SP140: variants seen among roughly 807,000 people sequenced by gnomAD.
The protein encoded by SP140 is nuclear body protein SP140.
SP140 carries 81 observed loss-of-function variants against 125.0 expected under a neutral mutation model. The observed-to-expected ratio is 0.65, with a 90% CI of 0.54 to 0.78. The LOEUF (loss-of-function observed/expected upper bound fraction) is 0.78, where lower values mean the gene tolerates loss of function less well. SP140 is among the 30% of genes least tolerant of loss of function. The probability of loss-of-function intolerance (pLI) is 0.00; values close to 1 mark genes in which losing one functional copy is unlikely to be tolerated. For synonymous variants in SP140, 312 were observed against 354.0 expected (o/e 0.88, Z 1.33); for missense variants, 858 against 1,037.0 (o/e 0.83, Z 2.37).
the SP140 span, among the ~76,000 whole-genome samples, chr2:230,186,843 T>C: frequency 1.3e-3 from 193 of 152,338 alleles, no homozygotes; most frequent in Non-Finnish European, 2.5e-3. Flanking sequence ...TCATTCTTTT[T>C]TTATGGCTGA....
intron 1 of SP140, among the ~76,000 whole-genome samples, chr2:230,235,868 GTTTTTT>G (rs984054259): frequency 1.3e-5 from 1 of 77,974 alleles, no homozygotes; most frequent in African/African-American, 5.4e-5. Flanking sequence ...TCTTGTGACT[GTTTTTT>G]TTTTTTTTTT....
At chr2:230,260,802 T>A (rs2052104298) in intron 12 of SP140, among the ~76,000 whole-genome samples, 1 of 152,206 alleles carries the variant, frequency 6.6e-6, no homozygotes. Context: ...TTGGTCTACG[T>A]CTATTTTTGT....
chr2:230,220,649 C>T (rs1037248250), intron 3 of SP140, among the ~76,000 whole-genome samples: 7 of 152,026 alleles, frequency 4.6e-5, no homozygotes, highest in South Asian at 2.1e-4. Context: ...GCAGGGACAC[C>T]CCTTCTCATG....
In SP140 at chr2:230,284,722, A is replaced by C. The variant is rs539131781; in HGVS notation, c.1564+311A>C. Among the ~76,000 whole-genome samples the C allele has an allele frequency of 6.6e-5, 10 of 152,344 alleles. No individual in the cohort carries two copies. The South Asian group carries it at 2.1e-3, about 32-fold the overall frequency. ...CATTCCTAAGAGGGCTAAATGAAGA[A>C]ATCAGGGTGTATGTGTATGTGTGCA... On this transcript the variant is annotated intron_variant, in intron 16 of 26. Coordinates refer to ENST00000392045, the MANE Select transcript of SP140 (RefSeq NM_007237.5).
intron 18 of SP140, among the ~76,000 whole-genome samples, chr2:230,288,518 T>TTCC (rs1553600265): frequency 9.0e-6 from 1 of 111,156 alleles, no homozygotes; most frequent in Non-Finnish European, 2.0e-5. Flanking sequence ...TCTTTCTTTC[T>TTCC]TTCTTTTTTT....
upstream of SP140, chr2:230,200,557 T>C (rs2043083636): frequency 8.3e-6 from 3 of 361,346 alleles, no homozygotes; most frequent in South Asian, 5.4e-5. Context: ...ACTTTCAGTA[T>C]AGTACCATGA....
chr2:230,208,232 A>T (rs1283996423), intron 1 of SP140, among the ~76,000 whole-genome samples: 1 of 152,238 alleles, frequency 6.6e-6, no homozygotes. Flanking sequence ...CTAAAATGAC[A>T]GAGGAAAAGG....
rs184128744 is a variant in SP140, at chr2:230,266,480, A to G, written c.1241-3052A>G. 2.0e-5 allele frequency among the ~76,000 whole-genome samples: 3 copies of G among 152,326 alleles called. No homozygotes were observed. In the East Asian group the frequency reaches 5.8e-4, roughly 29 times the overall value. On this transcript the variant is annotated intron_variant, in intron 12 of 26. Coordinates refer to ENST00000392045, the MANE Select transcript of SP140 (RefSeq NM_007237.5). ...TGTGTTCGTTTTTCATTGCTGCATG[A>G]CAAATAACCACAAATGTAATGGCTT...
At chr2:230,257,559 G>C (rs1282631900) in intron 12 of SP140, among the ~76,000 whole-genome samples, 1 of 152,170 alleles carries the variant, frequency 6.6e-6, no homozygotes, top group African/African-American at 2.4e-5. Flanking sequence ...TTGAGGTCAG[G>C]AGTTCAAGGC....
chr2:230,204,847 G>A (rs1365410421), intron 1 of SP140, among the ~76,000 whole-genome samples: 2 of 152,134 alleles, frequency 1.3e-5, no homozygotes, highest in African/African-American at 4.8e-5. Context: ...ACATTTATGG[G>A]GAGTAGTGTA....
At chr2:230,202,602 C>A, upstream of SP140, 1 of 1,614,196 alleles carries the variant, frequency 6.2e-7, no homozygotes. Context: ...CTTTCGGGCA[C>A]ATTCAGTTCT....
rs371294585 is a variant in SP140, at chr2:230,212,921, T to C, written c.-322-733T>C. On this transcript the variant is annotated intron_variant, in intron 1 of 4. Coordinates refer to the SP140 transcript ENST00000456542. ...AACAGCTTGGTTGAGGGGGTTGTGG[T>C]GGGGGCAGCGCCAGTGGGGTATGGA... The C allele has an allele frequency of 4.3e-6, 7 of 1,613,866 alleles. No individual in the cohort carries two copies.
intron 15 of SP140, among the ~76,000 whole-genome samples, chr2:230,282,816 T>C (rs2055794533): frequency 6.6e-6 from 1 of 152,230 alleles, no homozygotes. Flanking sequence ...ATTGTTGGGC[T>C]TCCCTGAGTG....
chr2:230,301,105 G>T (rs1312256897), intron 22 of SP140, among the ~76,000 whole-genome samples: 2 of 152,068 alleles, frequency 1.3e-5, no homozygotes, highest in African/African-American at 4.8e-5. Context: ...CAAGAAAAAA[G>T]AACTTTTTAA....
At chr2:230,285,609 C>T (rs1487353801) in intron 16 of SP140, 143 bp from the exon 17 acceptor site, 5 of 677,088 alleles carry the variant, frequency 7.4e-6, no homozygotes, top group Non-Finnish European at 1.1e-5. Flanking sequence ...AAAGTCGACA[C>T]TCCCAAAAGC....
intron 1 of SP140, among the ~76,000 whole-genome samples, chr2:230,210,833 A>C (rs145089077): frequency 6.6e-6 from 1 of 152,310 alleles, no homozygotes; most frequent in African/African-American, 2.4e-5. Flanking sequence ...CTTTGGAATA[A>C]TTTATTACCT....
intron 14 of SP140, 132 bp downstream of exon 14, chr2:230,270,085 A>T: frequency 1.5e-6 from 1 of 650,520 alleles, no homozygotes; most frequent in Non-Finnish European, 2.8e-6. Flanking sequence ...GCCTTTGGGG[A>T]GCTGCAGGGA....
rs11458297 is a variant in SP140, at chr2:230,237,833, T to TA, written c.238-380_238-379insA. On this transcript the variant is annotated intron_variant, in intron 2 of 26. Transcript: ENST00000392045. This position sits in a 1 kb window ranked among gnomAD's most constrained non-coding sequence, Gnocchi z 5.4. ...TGTGCCCTTTGGCCAGGAGTCATAG[T>TA]GGGGGCTGGTTGATTGGTTTCCTGG... is the stretch of plus-strand genomic sequence containing the variant. Among the ~76,000 whole-genome samples the TA allele has an allele frequency of 0.62, 94,794 of 151,940 alleles. 29,889 individuals carry two copies. Among genetic ancestry groups the TA allele is most frequent in the African/African-American group, 0.67 (27,591 of 41,420 alleles).
chr2:230,259,704 C>T (rs1469789308), intron 12 of SP140, among the ~76,000 whole-genome samples: 3 of 147,878 alleles, frequency 2.0e-5, no homozygotes, highest in Non-Finnish European at 4.5e-5. Flanking sequence ...AAAATAGTCT[C>T]CAATCTCATC....
Sources: gnomAD v4.1 joint callset for allele counts (sites outside exome capture counted in the v4.1 genomes callset) on GRCh38, gnomAD v4.1.1 for gene constraint, Gnocchi (gnomAD v3.1) non-coding constraint, MANE v1.5 for transcripts, NCBI Gene and HGNC (gene_info 2026-07-23, HGNC 2026-07-21) for gene names.